TLN2: variants seen among roughly 807,000 people sequenced by gnomAD.
TLN2 encodes the protein talin 2, also known as talin-2.
Under a neutral mutation model 294.7 loss-of-function variants are expected in TLN2, and 118 were observed. That is an observed-to-expected ratio of 0.40 (90% CI 0.34 to 0.47). TLN2 has a LOEUF of 0.47. TLN2 is among the 20% of genes least tolerant of loss of function. The pLI is 0.84. For synonymous variants in TLN2, 1,431 were observed against 1,304.5 expected (o/e 1.10, Z -2.09); for missense variants, 3,083 against 3,282.2 (o/e 0.94, Z 1.48).
chr15:62,823,617 C>G (rs1405260182), intron 54 of TLN2, among the ~76,000 whole-genome samples: 6 of 152,176 alleles, frequency 3.9e-5, no homozygotes. Flanking sequence ...TGCTCACCAC[C>G]GTCTCAGGTT....
intron 1 of TLN2, among the ~76,000 whole-genome samples, chr15:62,466,085 C>T (rs1320482427): frequency 1.3e-5 from 2 of 152,088 alleles, no homozygotes; most frequent in Non-Finnish European, 2.9e-5. Context: ...GGAAATGCCC[C>T]CTGATCAGGG....
intron 54 of TLN2, 143 bp downstream of exon 54, chr15:62,820,753 C>G: frequency 8.9e-7 from 1 of 1,118,356 alleles, no homozygotes. Context: ...TCTACCTGCC[C>G]GGCACTGCTT....
intron 11 of TLN2, among the ~76,000 whole-genome samples, chr15:62,685,548 G>A (rs1375363785): frequency 6.6e-6 from 1 of 152,174 alleles, no homozygotes; most frequent in East Asian, 1.9e-4. Flanking sequence ...TGGATAGATA[G>A]TGACACATTT....
rs1052305439 is a variant in TLN2, at chr15:62,708,928, C to G, written c.2467+132C>G. Reference sequence around the variant, plus strand: ...AGTTCTCTTCAGTCTCAAAGACTTCCCCACTGAAGCTCAGAAAAAGATATA... The same window carrying G: ...AGTTCTCTTCAGTCTCAAAGACTTCGCCACTGAAGCTCAGAAAAAGATATA... On this transcript the variant is annotated intron_variant, in intron 21 of 58. Transcript: ENST00000636159. 1.2e-5 allele frequency: 13 copies of G among 1,055,674 alleles called. No individual in the cohort carries two copies. The South Asian group carries it at 2.2e-4, about 18-fold the overall frequency. 65.4% of individuals were successfully genotyped at this position (1,055,674 alleles called of 1,614,324 possible).
chr15:62,708,386 TGTAA>T (rs2059203980), intron 20 of TLN2, 112 bp from the exon 21 acceptor site: 5 of 1,053,686 alleles, frequency 4.7e-6, no homozygotes, highest in African/African-American at 3.2e-5. Flanking sequence ...GCAGTGGTCC[TGTAA>T]GTAAGAAACC....
chr15:62,819,463 T>C, intron 52 of TLN2, 53 bp from the exon 53 acceptor site: 1 of 1,458,476 alleles, frequency 6.9e-7, no homozygotes, highest in Non-Finnish European at 9.6e-7. Flanking sequence ...GCTTCTTTCC[T>C]GTCCCAGTGG....
chr15:62,470,614 G>GTGC (rs2037415063), intron 1 of TLN2, among the ~76,000 whole-genome samples: 1 of 152,226 alleles, frequency 6.6e-6, no homozygotes, highest in Non-Finnish European at 1.5e-5. Context: ...CCTGGAGCAG[G>GTGC]TGCTGGGCAG....
chr15:62,753,975 G>T (rs1267554809), intron 36 of TLN2, 59 bp downstream of exon 36: 2 of 1,417,934 alleles, frequency 1.4e-6, no homozygotes, highest in Non-Finnish European at 1.9e-6. Flanking sequence ...TAGGTAAGTT[G>T]TGGGAGACTA....
At position 62,407,141 on chromosome 15, in the gene TLN2, C is replaced by T. The variant is rs185049838; in HGVS notation, c.-238+16456C>T. Among the ~76,000 whole-genome samples, 23 of 152,156 alleles carry T rather than the reference C, an allele frequency of 1.5e-4. No homozygotes were observed. In the East Asian group the frequency reaches 4.3e-3, roughly 28 times the overall value. On this transcript the variant is annotated intron_variant, in intron 1 of 58. Transcript: ENST00000636159. ...CCAGCAGGTGCAGAATTCCACAGTT[C>T]CCTTAATTGTGGAATTCTGCACCTG... is the stretch of plus-strand genomic sequence containing the variant.
chr15:62,650,016 G>A, intron 4 of TLN2, 68 bp from the exon 5 acceptor site: 1 of 1,512,442 alleles, frequency 6.6e-7, no homozygotes, highest in Non-Finnish European at 9.2e-7. Flanking sequence ...AGCAGGCTCA[G>A]GGCCTGGAAG....
At chr15:62,393,995 C>G (rs2471028) in intron 1 of TLN2, among the ~76,000 whole-genome samples, 44,845 of 151,854 alleles carry the variant, frequency 0.3, 7,152 homozygotes, top group East Asian at 0.62. Flanking sequence ...AGGCTGGTCT[C>G]GAACTCCTGA....
At chr15:62,667,078 G>T (rs2054759726) in intron 9 of TLN2, among the ~76,000 whole-genome samples, 1 of 152,166 alleles carries the variant, frequency 6.6e-6, no homozygotes, top group Non-Finnish European at 1.5e-5. Context: ...CCGTTCTCCT[G>T]CCTCAGCCTC....
chr15:62,393,157 C>G (rs2032239777), intron 1 of TLN2, among the ~76,000 whole-genome samples: 1 of 152,168 alleles, frequency 6.6e-6, no homozygotes, highest in Non-Finnish European at 1.5e-5. Flanking sequence ...ATCACAGAAA[C>G]AGGTCTCTTC....
chr15:62,631,064 G>T (rs1450146190), intron 3 of TLN2, among the ~76,000 whole-genome samples: 2 of 152,104 alleles, frequency 1.3e-5, no homozygotes, highest in African/African-American at 4.8e-5. Flanking sequence ...ACCCAGGATA[G>T]TAACAATCAG....
chr15:62,443,348 CTTTAA>C (rs1045581146), intron 1 of TLN2, among the ~76,000 whole-genome samples: 17 of 152,286 alleles, frequency 1.1e-4, no homozygotes, highest in Admixed American at 2.6e-4. Flanking sequence ...TAATATAAAA[CTTTAA>C]TTTGTTTTAT....
chr15:62,744,601 C>T (rs1018465825), intron 32 of TLN2, among the ~76,000 whole-genome samples: 1 of 151,938 alleles, frequency 6.6e-6, no homozygotes, highest in Non-Finnish European at 1.5e-5. Flanking sequence ...GGCTGGAGTG[C>T]AGAGGCGCGA....
chr15:62,675,405 G>A, intron 11 of TLN2, 84 bp downstream of exon 11: 1 of 1,390,624 alleles, frequency 7.2e-7, no homozygotes, highest in Non-Finnish European at 1.0e-6. Context: ...AGCCTGGTTT[G>A]TCCTGCTCAC....
chr15:62,575,663 A>G (rs972029398), intron 1 of TLN2, among the ~76,000 whole-genome samples: 1 of 152,196 alleles, frequency 6.6e-6, no homozygotes, highest in Non-Finnish European at 1.5e-5. Context: ...TTCTTCTCAG[A>G]AGACCATTCA....
chr15:62,703,120 T>A (rs967643075), intron 19 of TLN2, among the ~76,000 whole-genome samples: 7 of 151,604 alleles, frequency 4.6e-5, no homozygotes, highest in East Asian at 3.9e-4. Flanking sequence ...TTTTTTTTTT[T>A]AAATTAGAGT....
Sources: allele counts gnomAD v4.1 joint callset (sites outside exome capture counted in the v4.1 genomes callset), GRCh38; gene constraint gnomAD v4.1.1; transcripts MANE v1.5; gene names NCBI Gene and HGNC (gene_info 2026-07-23, HGNC 2026-07-21).